The following MEIS2 variants were observed in gnomAD, a reference collection of about 807,000 sequenced individuals.
The protein encoded by MEIS2 is homeobox protein Meis2.
In MEIS2, 9 loss-of-function variants were observed where a neutral mutation model predicts 58.6. That is an observed-to-expected ratio of 0.15 (90% CI 0.09 to 0.27). The LOEUF (loss-of-function observed/expected upper bound fraction) is 0.27. MEIS2 is among the 10% of genes least tolerant of loss of function. The pLI, the probability that MEIS2 is intolerant of heterozygous loss-of-function variation, is 1.00. For missense variants in MEIS2, 427 were observed against 635.0 expected (o/e 0.67, Z 3.52); for synonymous variants, 221 against 228.4 (o/e 0.97, Z 0.29).
At chr15:37,040,248 G>A (rs145719835) in intron 7 of MEIS2, among the ~76,000 whole-genome samples, 120 of 152,208 alleles carry the variant, frequency 7.9e-4, no homozygotes, top group African/African-American at 2.6e-3. Flanking sequence ...GAATCCTTGC[G>A]GGCAGTTAAC....
chr15:37,085,207 A>G (rs529127284), intron 6 of MEIS2, among the ~76,000 whole-genome samples: 2 of 152,338 alleles, frequency 1.3e-5, no homozygotes, highest in South Asian at 4.1e-4. Context: ...AAAACCAATC[A>G]AAGTATACAC....
intron 7 of MEIS2, among the ~76,000 whole-genome samples, chr15:37,048,284 T>C (rs1440937194): frequency 3.3e-5 from 5 of 152,168 alleles, no homozygotes; most frequent in African/African-American, 1.2e-4. Context: ...TTCTAACTTA[T>C]TGTCTCTTTT....
At chr15:36,951,461 A>G (rs1183944326) in intron 8 of MEIS2, among the ~76,000 whole-genome samples, 1 of 152,206 alleles carries the variant, frequency 6.6e-6, no homozygotes, top group African/African-American at 2.4e-5. Flanking sequence ...AAAGTATTCC[A>G]TTCAGAATAT....
chr15:37,024,183 C>A (rs2141685534), intron 8 of MEIS2, among the ~76,000 whole-genome samples: 1 of 152,202 alleles, frequency 6.6e-6, no homozygotes, highest in African/African-American at 2.4e-5. Flanking sequence ...CAGGTGTGAG[C>A]CACTGCGCCT....
chr15:36,966,166 C>T (rs1201825679), intron 8 of MEIS2, among the ~76,000 whole-genome samples: 3 of 152,160 alleles, frequency 2.0e-5, no homozygotes, highest in African/African-American at 7.2e-5. Context: ...CTTTGGGAAG[C>T]AGCCCACTCT....
chr15:37,082,625 G>T (rs1384516704), intron 7 of MEIS2, among the ~76,000 whole-genome samples: 2 of 152,130 alleles, frequency 1.3e-5, no homozygotes, highest in African/African-American at 4.8e-5. Context: ...TTATATAGGT[G>T]CAAGTTGCAA....
intron 8 of MEIS2, among the ~76,000 whole-genome samples, chr15:37,032,649 C>T (rs966388925): frequency 6.6e-6 from 1 of 152,102 alleles, no homozygotes; most frequent in Non-Finnish European, 1.5e-5. Context: ...AGAAGTTAGG[C>T]AGTGCCATCA....
chr15:36,980,151 CTACT>C (rs1459329968), intron 8 of MEIS2, among the ~76,000 whole-genome samples: 1 of 151,952 alleles, frequency 6.6e-6, no homozygotes, highest in Non-Finnish European at 1.5e-5. Flanking sequence ...ATATTAACCC[CTACT>C]TAGTCACATG....
chr15:37,048,469 A>G (rs1215749006), intron 7 of MEIS2, among the ~76,000 whole-genome samples: 1 of 152,122 alleles, frequency 6.6e-6, no homozygotes, highest in Non-Finnish European at 1.5e-5. Context: ...CAAAAATAAG[A>G]CAATACATTT....
intron 7 of MEIS2, among the ~76,000 whole-genome samples, chr15:37,080,476 C>T (rs1892053729): frequency 6.6e-6 from 1 of 152,148 alleles, no homozygotes; most frequent in Non-Finnish European, 1.5e-5. Flanking sequence ...TGTCTTTCAT[C>T]TAAGGCTCTC....
intron 8 of MEIS2, among the ~76,000 whole-genome samples, chr15:36,964,043 T>C (rs2059277438): frequency 6.6e-6 from 1 of 152,228 alleles, no homozygotes; most frequent in Non-Finnish European, 1.5e-5. Flanking sequence ...TAAATGCAAA[T>C]TGAAATATCC....
chr15:37,050,263 A>C (rs2062857873), intron 7 of MEIS2, among the ~76,000 whole-genome samples: 1 of 152,210 alleles, frequency 6.6e-6, no homozygotes, highest in African/African-American at 2.4e-5. Flanking sequence ...CCTTCAAGTC[A>C]AAAACCATAT....
intron 8 of MEIS2, among the ~76,000 whole-genome samples, chr15:37,026,820 T>C (rs1032736207): frequency 3.3e-5 from 5 of 152,204 alleles, no homozygotes; most frequent in African/African-American, 1.2e-4. Context: ...ATGTTATCTA[T>C]TATAACCAAG....
intron 8 of MEIS2, among the ~76,000 whole-genome samples, chr15:36,972,568 T>G (rs2059605693): frequency 1.3e-5 from 2 of 152,312 alleles, no homozygotes; most frequent in South Asian, 4.1e-4. Context: ...ATAGAAACTA[T>G]TTTTAAAAAT....
chr15:36,896,578 T>G, intron 10 of MEIS2, 50 bp downstream of exon 10: 8 of 1,423,278 alleles, frequency 5.6e-6, no homozygotes, highest in Non-Finnish European at 6.8e-6. Context: ...TATAACTTGA[T>G]GAGGATTTGT....
intron 8 of MEIS2, among the ~76,000 whole-genome samples, chr15:36,969,426 T>C (rs1003207525): frequency 2.0e-5 from 3 of 152,190 alleles, no homozygotes; most frequent in Non-Finnish European, 4.4e-5. Context: ...TATTCGTCCA[T>C]CCTTTTCTTC....
Position 37,020,041 on chromosome 15 carries a change from G to A in MEIS2, c.900+16773C>T, listed in dbSNP as rs2061472081. On this transcript the variant is annotated intron_variant, in intron 8 of 11. Coordinates refer to ENST00000561208, the MANE Select transcript of MEIS2 (RefSeq NM_170675.5). ...CTACGAGGACTCAGCTACACGCCAG[G>A]ACTGTCTACTTCCTGATTAGATAAC... 2.0e-5 allele frequency among the ~76,000 whole-genome samples: 3 copies of A among 152,240 alleles called. No homozygotes were observed. The South Asian group carries it at 6.2e-4, about 32-fold the overall frequency.
chr15:37,010,944 TATC>T (rs1430277647), intron 8 of MEIS2, among the ~76,000 whole-genome samples: 1 of 152,224 alleles, frequency 6.6e-6, no homozygotes, highest in Non-Finnish European at 1.5e-5. Context: ...CCGTCATTCT[TATC>T]ATATCTCCTT....
intron 9 of MEIS2, chr15:36,898,675 G>T: frequency 6.6e-6 from 1 of 152,036 alleles, no homozygotes; most frequent in East Asian, 1.9e-4. Flanking sequence ...AGGCATCATG[G>T]TTCTTAGTTC....
Sources: allele counts gnomAD v4.1 joint callset (sites outside exome capture counted in the v4.1 genomes callset), GRCh38; gene constraint gnomAD v4.1.1; transcripts MANE v1.5; gene names NCBI Gene and HGNC (gene_info 2026-07-23, HGNC 2026-07-21).